GALNTL6: variants seen among roughly 807,000 people sequenced by gnomAD.
The protein encoded by GALNTL6 is polypeptide N-acetylgalactosaminyltransferase like 6.
In GALNTL6, 46 loss-of-function variants were observed where a neutral mutation model predicts 73.7. The observed-to-expected ratio is 0.62, with a 90% CI of 0.49 to 0.80. The LOEUF (loss-of-function observed/expected upper bound fraction) is 0.80. Ranked by LOEUF, GALNTL6 falls within the 30% of genes least tolerant of loss-of-function variation. The pLI, the probability that GALNTL6 is intolerant of heterozygous loss-of-function variation, is 0.00. For missense variants in GALNTL6, 604 were observed against 755.0 expected, an observed-to-expected ratio of 0.80 and a Z score of 2.34; for synonymous variants, 259 against 263.7, an observed-to-expected ratio of 0.98 and a Z score of 0.17.
At chr4:172,243,347 TA>T (rs1259445503) in intron 3 of GALNTL6, among the ~76,000 whole-genome samples, 2 of 152,228 alleles carry the variant, frequency 1.3e-5, no homozygotes, top group African/African-American at 2.4e-5. Context: ...TCTGTCCTTT[TA>T]CTCTGCTTAA....
chr4:172,872,058 G>T (rs1561005276), intron 7 of GALNTL6, among the ~76,000 whole-genome samples: 1 of 152,174 alleles, frequency 6.6e-6, no homozygotes, highest in Non-Finnish European at 1.5e-5. Flanking sequence ...CTCTCAAAGT[G>T]CTGGGATTAC....
At chr4:172,588,786 G>A (rs1221220631) in intron 5 of GALNTL6, among the ~76,000 whole-genome samples, 1 of 152,040 alleles carries the variant, frequency 6.6e-6, no homozygotes, top group African/African-American at 2.4e-5. Flanking sequence ...ATCACATATC[G>A]ATATGACGTG....
chr4:172,789,817 A>C (rs1739891801), intron 5 of GALNTL6, among the ~76,000 whole-genome samples: 1 of 152,214 alleles, frequency 6.6e-6, no homozygotes, highest in East Asian at 1.9e-4. Flanking sequence ...GGGGCAGGTA[A>C]AAAGAGGATA....
chr4:172,199,744 TTTG>T (rs930504853), intron 2 of GALNTL6, among the ~76,000 whole-genome samples: 264 of 152,252 alleles, frequency 1.7e-3, no homozygotes, highest in Middle Eastern at 0.01. Flanking sequence ...TGAAAGATTT[TTTG>T]TTGTTGTTGT....
At chr4:172,195,808 TA>T (rs1413570428) in intron 2 of GALNTL6, among the ~76,000 whole-genome samples, 1 of 152,132 alleles carries the variant, frequency 6.6e-6, no homozygotes, top group Non-Finnish European at 1.5e-5. Flanking sequence ...GGAAAATTTA[TA>T]GCACTAAATA....
At chr4:172,603,715 A>G (rs997820210) in intron 5 of GALNTL6, among the ~76,000 whole-genome samples, 14 of 152,184 alleles carry the variant, frequency 9.2e-5, no homozygotes, top group African/African-American at 3.1e-4. Flanking sequence ...TTTACTGTGA[A>G]TGCATCATTT....
chr4:172,314,499 A>T (rs544069165), intron 4 of GALNTL6, among the ~76,000 whole-genome samples: 95 of 152,034 alleles, frequency 6.2e-4, no homozygotes, highest in African/African-American at 2.2e-3. Context: ...ACATTTAGTT[A>T]AAAAAAATCA....
At chr4:172,383,013 C>T (rs1331323768) in intron 5 of GALNTL6, among the ~76,000 whole-genome samples, 3 of 152,054 alleles carry the variant, frequency 2.0e-5, no homozygotes, top group African/African-American at 2.4e-5. Flanking sequence ...TTATGTAGTA[C>T]ACACTGTATT....
At chr4:172,890,596 T>G (rs1045429106) in intron 8 of GALNTL6, among the ~76,000 whole-genome samples, 2 of 152,202 alleles carry the variant, frequency 1.3e-5, no homozygotes, top group Non-Finnish European at 2.9e-5. Flanking sequence ...TTATTGAGAC[T>G]TGCTTTATGG....
chr4:172,214,996 T>A lies in GALNTL6; in HGVS notation c.139-14660T>A, dbSNP rs565918143. On this transcript the variant is annotated intron_variant, in intron 2 of 12. Transcript: ENST00000506823. ...ATGTTTTATTTTCATTTAGTTCAAATTTCTCTGAGGTATTTATGGACTCAT... is the reference window on the plus strand; with the variant it reads ...ATGTTTTATTTTCATTTAGTTCAAAATTCTCTGAGGTATTTATGGACTCAT... Among the ~76,000 whole-genome samples the A allele has an allele frequency of 1.6e-3, 238 of 152,264 alleles. 1 individual carries two copies. The highest frequency in any genetic ancestry group is 5.4e-3 in the African/African-American group (223 of 41,554).
intron 5 of GALNTL6, among the ~76,000 whole-genome samples, chr4:172,790,697 C>G (rs1739943348): frequency 6.6e-6 from 1 of 151,926 alleles, no homozygotes; most frequent in African/African-American, 2.4e-5. Context: ...TCAAGACCAG[C>G]CTGGCCAACA....
At chr4:172,522,128 G>A (rs540105872) in intron 5 of GALNTL6, among the ~76,000 whole-genome samples, 2 of 152,146 alleles carry the variant, frequency 1.3e-5, no homozygotes, top group East Asian at 1.9e-4. Flanking sequence ...TTAAGTCTTT[G>A]TGTCACAATT....
chr4:171,957,170 C>T (rs2111040990), intron 2 of GALNTL6, among the ~76,000 whole-genome samples: 1 of 152,272 alleles, frequency 6.6e-6, no homozygotes. Context: ...AAGGTCTAAC[C>T]TCTAATTTCT....
chr4:172,890,539 C>A (rs1267484523), intron 8 of GALNTL6, among the ~76,000 whole-genome samples: 1 of 151,970 alleles, frequency 6.6e-6, no homozygotes, highest in African/African-American at 2.4e-5. Flanking sequence ...ATTTTTATTC[C>A]ACTGTAGTCT....
chr4:171,888,420 C>T lies in GALNTL6; in HGVS notation c.138+73702C>T, dbSNP rs116409136. ...TTAGTTTGATAGGAGCCCTTATTGA[C>T]GTAAAATGGTTGTAGCAGTTTTGAT... On this transcript the variant is annotated intron_variant, in intron 2 of 12. Transcript: ENST00000506823. Among the ~76,000 whole-genome samples the T allele has an allele frequency of 2.7e-3, 411 of 150,648 alleles. 4 individuals carry two copies. The highest frequency in any genetic ancestry group is 9.6e-3 in the African/African-American group (392 of 41,004).
At chr4:172,265,914 G>T (rs550327654) in intron 3 of GALNTL6, among the ~76,000 whole-genome samples, 1 of 151,976 alleles carries the variant, frequency 6.6e-6, no homozygotes, top group South Asian at 2.1e-4. Flanking sequence ...GATATATAAA[G>T]AAACCTAAAG....
At chr4:172,992,431 T>C (rs1398851739) in intron 10 of GALNTL6, among the ~76,000 whole-genome samples, 1 of 152,158 alleles carries the variant, frequency 6.6e-6, no homozygotes, top group Non-Finnish European at 1.5e-5. Flanking sequence ...TCTTTAAAAC[T>C]GTCTTTATTT....
chr4:172,217,602 A>G (rs571847991), intron 2 of GALNTL6, among the ~76,000 whole-genome samples: 142 of 152,292 alleles, frequency 9.3e-4, no homozygotes, highest in African/African-American at 2.7e-3. Flanking sequence ...TAGAATTTCT[A>G]GCATTTCCTT....
chr4:172,685,188 C>T (rs146229360), intron 5 of GALNTL6, among the ~76,000 whole-genome samples: 24 of 151,984 alleles, frequency 1.6e-4, no homozygotes, highest in African/African-American at 2.4e-4. Flanking sequence ...AAAAATTCAC[C>T]GAGATTCATG....
Sources: allele counts gnomAD v4.1 joint callset (sites outside exome capture counted in the v4.1 genomes callset), GRCh38; gene constraint gnomAD v4.1.1; transcripts MANE v1.5; gene names NCBI Gene and HGNC (gene_info 2026-07-23, HGNC 2026-07-21).